ZNF462: variants seen among roughly 807,000 people sequenced by gnomAD.
ZNF462 encodes the protein zinc finger PBX1-interacting protein.
In ZNF462, 10 loss-of-function variants were observed where a neutral mutation model predicts 201.9. That is an observed-to-expected ratio of 0.05 (90% CI 0.03 to 0.08). The LOEUF is 0.08. ZNF462 is among the 10% of genes least tolerant of loss of function. The pLI is 1.00. For missense variants in ZNF462, 2,523 were observed against 3,168.3 expected (o/e 0.80, Z 4.89); for synonymous variants, 1,227 against 1,193.3 (o/e 1.03, Z -0.58).
chr9:106,863,335 C>G lies in ZNF462; in HGVS notation c.-51C>G, dbSNP rs1827138924. 2.5e-6 allele frequency: 1 copy of G among 397,268 alleles called. No individual in the cohort carries two copies. The highest frequency in any genetic ancestry group is 4.4e-6 in the Non-Finnish European group (1 of 225,386). 24.6% of individuals were successfully genotyped at this position (397,268 alleles called of 1,614,324 possible). On this transcript the variant is annotated 5_prime_UTR_variant, in exon 1 of 13. Transcript: ENST00000277225. ...GGGCTGGAGAACCCGAAGCACCTCC[C>G]GGCGCCGGGACGCTTCTTCTGTAAG...
chr9:106,904,629 T>G (rs1439013295), intron 1 of ZNF462, among the ~76,000 whole-genome samples: 1 of 152,218 alleles, frequency 6.6e-6, no homozygotes, highest in Non-Finnish European at 1.5e-5. Flanking sequence ...TCATATTTTC[T>G]TATTCTTTTT....
intron 7 of ZNF462, among the ~76,000 whole-genome samples, chr9:106,965,859 G>A (rs1832048771): frequency 6.6e-6 from 1 of 151,994 alleles, no homozygotes; most frequent in Admixed American, 6.6e-5. Context: ...AACTATTTTT[G>A]TCCTTTGCCT....
chr9:106,983,329 A>C (rs1827585301), intron 9 of ZNF462, among the ~76,000 whole-genome samples: 1 of 152,170 alleles, frequency 6.6e-6, no homozygotes, highest in South Asian at 2.1e-4. Flanking sequence ...CAGACTGTCT[A>C]AAAAGACACA....
Position 106,966,318 on chromosome 9 carries a change from T to A in ZNF462, c.6428-5687T>A, listed in dbSNP as rs1832068928. Among the ~76,000 whole-genome samples the A allele has an allele frequency of 6.6e-6, 1 of 152,116 alleles. No homozygotes were observed. The highest frequency in any genetic ancestry group is 2.1e-4 in the South Asian group (1 of 4,828). On this transcript the variant is annotated intron_variant, in intron 7 of 12. Coordinates refer to ENST00000277225, the MANE Select transcript of ZNF462 (RefSeq NM_021224.6). The surrounding 1 kb of genome is among the most constrained non-coding windows in gnomAD (Gnocchi z 4.4). ...ATTAAGTCATTTTTTTTCATTGTGA[T>A]AATAATGTAGTTGTTGAATTTCTGT...
Position 106,867,298 on chromosome 9 carries a change from T to A in ZNF462, c.-31+3943T>A, listed in dbSNP as rs571307837. On this transcript the variant is annotated intron_variant, in intron 1 of 12. Coordinates refer to ENST00000277225, the MANE Select transcript of ZNF462 (RefSeq NM_021224.6). Reference sequence around the variant, plus strand: ...AAAAGTATTAAATCAGACATTTTCATTTAATGTCAAAGCTCAAAGATCATT... The same window carrying A: ...AAAAGTATTAAATCAGACATTTTCAATTAATGTCAAAGCTCAAAGATCATT... Among the ~76,000 whole-genome samples, 3 of 152,328 alleles carry A rather than the reference T, an allele frequency of 2.0e-5. No individual in the cohort carries two copies. In the South Asian group the frequency reaches 6.2e-4, roughly 32 times the overall value.
At chr9:106,994,717 G>A (rs1372821405) in intron 10 of ZNF462, among the ~76,000 whole-genome samples, 1 of 152,126 alleles carries the variant, frequency 6.6e-6, no homozygotes, top group African/African-American at 2.4e-5. Context: ...AGCAAGAGGT[G>A]TGACCGTTTT....
At chr9:107,001,403 CATTTTGG>C (rs1829174965) in intron 10 of ZNF462, among the ~76,000 whole-genome samples, 2 of 152,134 alleles carry the variant, frequency 1.3e-5, no homozygotes, top group South Asian at 4.1e-4. Context: ...AAGGAAATTA[CATTTTGG>C]GGGACTGTTG....
At chr9:106,995,028 A>G (rs1036842089) in intron 10 of ZNF462, among the ~76,000 whole-genome samples, 1 of 152,130 alleles carries the variant, frequency 6.6e-6, no homozygotes, top group Non-Finnish European at 1.5e-5. Context: ...TCCTGTTCAA[A>G]TAAGCAAAAT....
chr9:106,996,173 C>A (rs1271548435), intron 10 of ZNF462, among the ~76,000 whole-genome samples: 3 of 152,162 alleles, frequency 2.0e-5, no homozygotes, highest in Non-Finnish European at 4.4e-5. Flanking sequence ...GCATAGTATT[C>A]CATGGTGTAT....
Position 107,009,529 on chromosome 9 carries a change from TG to T in ZNF462, c.7190-15del. The T allele has an allele frequency of 6.2e-7, 1 of 1,613,754 alleles. No individual in the cohort carries two copies. The highest frequency in any genetic ancestry group is 8.5e-7 in the Non-Finnish European group (1 of 1,179,820). On this transcript the variant is annotated splice_polypyrimidine_tract_variant and intron_variant, in intron 11 of 12. Coordinates refer to ENST00000277225, the MANE Select transcript of ZNF462 (RefSeq NM_021224.6). The surrounding 1 kb of genome is among the most constrained non-coding windows in gnomAD (Gnocchi z 6.1). Reference sequence around the variant, plus strand: ...TCCCACAGCACACAGGTAACACTTCTGCTTTCTCTTTGCAGAGCTGATGAGA... The same window carrying T: ...TCCCACAGCACACAGGTAACACTTCTCTTTCTCTTTGCAGAGCTGATGAGA...
At chr9:106,860,922 GTCC>G (rs1013723942), upstream of ZNF462, among the ~76,000 whole-genome samples, 2 of 151,846 alleles carry the variant, frequency 1.3e-5, no homozygotes, top group Non-Finnish European at 2.9e-5. This position sits in a 1 kb window ranked among gnomAD's most constrained non-coding sequence, Gnocchi z 7.1. Flanking sequence ...CAGCCTCAGC[GTCC>G]TCCTCCTCTC....
At chr9:106,868,402 A>C (rs1360388289) in intron 1 of ZNF462, among the ~76,000 whole-genome samples, 1 of 152,214 alleles carries the variant, frequency 6.6e-6, no homozygotes, top group Non-Finnish European at 1.5e-5. Context: ...AAGAAAGGAA[A>C]AGAGGCACTT....
chr9:106,935,394 G>T lies in ZNF462; in HGVS notation c.6117-109G>T. On this transcript the variant is annotated intron_variant, in intron 5 of 12. Transcript: ENST00000277225. This position sits in a 1 kb window ranked among gnomAD's most constrained non-coding sequence, Gnocchi z 4.1. ...TGCCATTATTGGAAAGTAAACAAAA[G>T]GACTTTGAACGACCTAGAAGTAGGA... 1 of 825,370 alleles carries T rather than the reference G, an allele frequency of 1.2e-6. No homozygotes were observed. The highest frequency in any genetic ancestry group is 2.5e-5 in the East Asian group (1 of 39,316). The allele number at this position is 825,370 out of a possible 1,614,324, so 51.1% of individuals were successfully genotyped here. A position where few individuals can be genotyped will look rare whatever the true frequency, so the allele number is the denominator to read the frequency against.
intron 1 of ZNF462, among the ~76,000 whole-genome samples, chr9:106,869,911 T>C (rs1454115226): frequency 1.3e-5 from 2 of 152,198 alleles, no homozygotes; most frequent in East Asian, 3.8e-4. Context: ...GAAGCTCTTT[T>C]GGATTTTTTT....
intron 1 of ZNF462, among the ~76,000 whole-genome samples, chr9:106,877,209 T>C (rs1827870329): frequency 6.6e-6 from 1 of 151,618 alleles, no homozygotes; most frequent in Non-Finnish European, 1.5e-5. Flanking sequence ...GTGGTGTGAA[T>C]GTTAGTGGGA....
At chr9:106,939,873 G>C (rs190338582) in intron 7 of ZNF462, among the ~76,000 whole-genome samples, 54 of 152,318 alleles carry the variant, frequency 3.5e-4, no homozygotes, top group Admixed American at 2.1e-3. Flanking sequence ...TGCAGAATCA[G>C]CTGCTTAGAA....
At chr9:106,909,024 A>G (rs1477825750) in intron 1 of ZNF462, among the ~76,000 whole-genome samples, 4 of 126,444 alleles carry the variant, frequency 3.2e-5, no homozygotes, top group Admixed American at 9.7e-5. Context: ...GTGCAGTGAC[A>G]TGATCTCGGC....
rs1422490989 is a variant in ZNF462, at chr9:106,993,301, A to G, written c.7056+8892A>G. On this transcript the variant is annotated intron_variant, in intron 10 of 12. Transcript: ENST00000277225. The surrounding 1 kb of genome is among the most constrained non-coding windows in gnomAD (Gnocchi z 4.0). ...CCAGCAAGAAAGGTCCTTAAAGTCA[A>G]ATATACCATTCCTTTTAAGAACCAA... 6.6e-6 allele frequency among the ~76,000 whole-genome samples: 1 copy of G among 152,128 alleles called. No individual in the cohort carries two copies. Among genetic ancestry groups the G allele is most frequent in the Non-Finnish European group, 1.5e-5 (1 of 68,010 alleles).
At chr9:106,861,748 G>A (rs1827072669), upstream of ZNF462, among the ~76,000 whole-genome samples, 1 of 152,212 alleles carries the variant, frequency 6.6e-6, no homozygotes, top group African/African-American at 2.4e-5. Context: ...CCTGGTGGTG[G>A]AGGGGGGGAA....
Sources: allele counts gnomAD v4.1 joint callset (sites outside exome capture counted in the v4.1 genomes callset), GRCh38; gene constraint gnomAD v4.1.1; non-coding constraint Gnocchi (gnomAD v3.1); transcripts MANE v1.5; gene names NCBI Gene and HGNC (gene_info 2026-07-23, HGNC 2026-07-21).